The following SH2D5 variants were observed in gnomAD, a reference collection of about 807,000 sequenced individuals.
The protein encoded by SH2D5 is SH2 domain-containing protein 5.
Under a neutral mutation model 48.2 loss-of-function variants are expected in SH2D5, and 45 were observed. The observed-to-expected ratio is 0.93, with a 90% CI of 0.73 to 1.20. SH2D5 has a LOEUF of 1.20. Among genes scored for constraint, SH2D5 ranks in the 50% most tolerant of loss-of-function variants. The probability of loss-of-function intolerance (pLI) is 0.00; values close to 1 mark genes in which losing one functional copy is unlikely to be tolerated. For synonymous variants in SH2D5, 230 were observed against 249.8 expected (o/e 0.92, Z 0.75); for missense variants, 538 against 584.1 (o/e 0.92, Z 0.81).
In SH2D5 at chr1:20,721,724, G is replaced by C; in HGVS notation, c.*68C>G. 7.2e-7 allele frequency: 1 copy of C among 1,396,456 alleles called. No homozygotes were observed. Among genetic ancestry groups the C allele is most frequent in the Non-Finnish European group, 9.6e-7 (1 of 1,046,746 alleles). 86.5% of individuals were successfully genotyped at this position (1,396,456 alleles called of 1,614,324 possible). On this transcript the variant is annotated 3_prime_UTR_variant, in exon 10 of 10. Transcript: ENST00000444387. Reference sequence around the variant, plus strand: ...ACTGGCAACCAGAGGGGTGCAGGACGGGCAGAGATGCTGCTGGGGCCCAGG... The same window carrying C: ...ACTGGCAACCAGAGGGGTGCAGGACCGGCAGAGATGCTGCTGGGGCCCAGG...
At chr1:20,726,913 G>A in intron 4 of SH2D5, 88 bp downstream of exon 4, 1 of 1,166,088 alleles carries the variant, frequency 8.6e-7, no homozygotes, top group Non-Finnish European at 1.2e-6. Flanking sequence ...CCGAGCTAAG[G>A]CCAGGACCTA....
In SH2D5 at chr1:20,721,911, T is replaced by C. The variant is rs1217846477; in HGVS notation, c.1153A>G (p.Met385Val). ...TERSLFCPLD[M>V]GRLNPTYEEQ... ...TCGTAGGTGGGGTTCAGGCGGCCCA[T>C]GTCGAGGGGACAGAAGAGGCTACGT... The change falls in exon 10 of 10, where the codon ATG becomes GTG. Residue 385 changes from methionine (M) to valine (V), a missense_variant. Physicochemically the swap from Met to Val is conservative, Grantham distance 21. Coordinates refer to ENST00000444387, the MANE Select transcript of SH2D5 (RefSeq NM_001103161.2). 8 of 1,613,172 alleles carry C rather than the reference T, an allele frequency of 5.0e-6. No individual in the cohort carries two copies. In the East Asian group the frequency reaches 8.9e-5, roughly 18 times the overall value.
chr1:20,724,004 C>A lies in SH2D5; in HGVS notation c.799+79G>T. On this transcript the variant is annotated intron_variant, in intron 7 of 9. Coordinates refer to ENST00000444387, the MANE Select transcript of SH2D5 (RefSeq NM_001103161.2). Reference sequence around the variant, plus strand: ...ACAGCCTTGCAGGAACGGGCACTCACGCCCACCTCTGGCTGGTCCAGGAGC... The same window carrying A: ...ACAGCCTTGCAGGAACGGGCACTCAAGCCCACCTCTGGCTGGTCCAGGAGC... 4.6e-6 allele frequency: 7 copies of A among 1,534,448 alleles called. No homozygotes were observed. In the South Asian group the frequency reaches 8.5e-5, roughly 19 times the overall value.
chr1:20,724,296 G>C (rs892254387), intron 6 of SH2D5, 45 bp from the exon 7 acceptor site: 1 of 1,605,410 alleles, frequency 6.2e-7, no homozygotes, highest in Non-Finnish European at 8.5e-7. Context: ...CTCAGGTCTA[G>C]CCATGTCAGG....
At chr1:20,727,651 G>A (rs771164097) in intron 2 of SH2D5, 48 bp from the exon 3 acceptor site, 12 of 1,516,692 alleles carry the variant, frequency 7.9e-6, no homozygotes, top group Non-Finnish European at 9.9e-6. Flanking sequence ...TCAGGCCCGT[G>A]GCTCCTAACC....
In SH2D5 at chr1:20,726,038, C is replaced by T. The variant is rs762503782; in HGVS notation, c.272G>A (p.Arg91His). 18 of 1,608,148 alleles carry T rather than the reference C, an allele frequency of 1.1e-5. No individual in the cohort carries two copies. The highest frequency in any genetic ancestry group is 1.1e-4 in the South Asian group (10 of 89,920). Residue 91 changes from arginine to histidine, a missense_variant, in exon 5 of 10, where the codon CGC becomes CAC. Transcript: ENST00000444387. ...EVLLMAHALR[R>H]ILYSTWCPAD... is the part of the protein sequence containing the mutation. ...AGGGCACCAGGTGGAGTAGAGTATG[C>T]GCCTCAGGGCATGAGCCATCAGCAG...
At position 20,720,743 on chromosome 1, in the gene SH2D5, C is replaced by T. The variant is rs540162597; in HGVS notation, c.*1049G>A. 16 of 152,364 alleles carry T rather than the reference C, an allele frequency of 1.1e-4. No homozygotes were observed. The highest frequency in any genetic ancestry group is 3.3e-4 in the Admixed American group (5 of 15,306). The allele number at this position is 152,364 out of a possible 1,614,324, so 9.4% of individuals were successfully genotyped here. A position where few individuals can be genotyped will look rare whatever the true frequency, so the allele number is the denominator to read the frequency against. On this transcript the variant is annotated 3_prime_UTR_variant, in exon 10 of 10. Transcript: ENST00000444387. ...CAAGCGCCCCCGGCAGGGCCCACATCAGGTCCACCTTTCGACGGTTCTGCT... is the reference window on the plus strand; with the variant it reads ...CAAGCGCCCCCGGCAGGGCCCACATTAGGTCCACCTTTCGACGGTTCTGCT...
Position 20,724,161 on chromosome 1 carries a change from G to T in SH2D5, c.721C>A (p.Arg241Ser). Residue 241 changes from arginine to serine, a missense_variant, in exon 7 of 10, where the codon CGC becomes AGC. Physicochemically the swap from Arg to Ser is moderately radical, Grantham distance 110. Coordinates refer to ENST00000444387, the MANE Select transcript of SH2D5 (RefSeq NM_001103161.2). ...GCCCCCGAGCGGATCACCTTGCTGCGAATGGCCTTCTTGCGCACCAGCGTG... is the reference window on the plus strand; with the variant it reads ...GCCCCCGAGCGGATCACCTTGCTGCTAATGGCCTTCTTGCGCACCAGCGTG... ...SPTLVRKKAI[R>S]SKVIRSGAYR... The T allele has an allele frequency of 6.2e-7, 1 of 1,613,022 alleles. No individual in the cohort carries two copies.
chr1:20,721,739 TG>T lies in SH2D5; in HGVS notation c.*52del. 1 of 1,446,244 alleles carries T rather than the reference TG, an allele frequency of 6.9e-7. No homozygotes were observed. The highest frequency in any genetic ancestry group is 9.2e-7 in the Non-Finnish European group (1 of 1,087,998). 89.6% of individuals were successfully genotyped at this position (1,446,244 alleles called of 1,614,324 possible). A position where few individuals can be genotyped will look rare whatever the true frequency, so the allele number is the denominator to read the frequency against. ...GGTGCAGGACGGGCAGAGATGCTGC[TG>T]GGGCCCAGGAGCCGGGGTGAGGCGG... On this transcript the variant is annotated 3_prime_UTR_variant, in exon 10 of 10. Transcript: ENST00000444387.
intron 7 of SH2D5, 147 bp from the exon 8 acceptor site, chr1:20,723,881 C>T (rs565243700): frequency 1.0e-6 from 1 of 984,054 alleles, no homozygotes; most frequent in Non-Finnish European, 1.5e-6. Context: ...TTCCGCCCGA[C>T]AGTTCTGGTC....
In SH2D5 at chr1:20,727,901, G is replaced by A. The variant is rs1251551148; in HGVS notation, c.87+57C>T. The A allele has an allele frequency of 4.5e-6, 6 of 1,321,590 alleles. No individual in the cohort carries two copies. In the East Asian group the frequency reaches 7.5e-5, roughly 17 times the overall value. 81.9% of individuals were successfully genotyped at this position (1,321,590 alleles called of 1,614,324 possible). A position where few individuals can be genotyped will look rare whatever the true frequency, so the allele number is the denominator to read the frequency against. ...CCCGCAGCACTTCCCAATCACCAGC[G>A]CCTGCTACCTGAGGGCCACCCACCA... is the stretch of plus-strand genomic sequence containing the variant. On this transcript the variant is annotated intron_variant, in intron 2 of 9. Coordinates refer to ENST00000444387, the MANE Select transcript of SH2D5 (RefSeq NM_001103161.2).
At chr1:20,725,784 G>C in intron 5 of SH2D5, 136 bp downstream of exon 5, 2 of 1,066,688 alleles carry the variant, frequency 1.9e-6, no homozygotes, top group East Asian at 2.6e-5. Flanking sequence ...GCCACAGAAA[G>C]AGCCAATGTG....
chr1:20,722,687 G>A, intron 9 of SH2D5, 69 bp downstream of exon 9: 7 of 1,372,876 alleles, frequency 5.1e-6, no homozygotes, highest in Non-Finnish European at 6.7e-6. Context: ...AAAAGGGCAG[G>A]CAGGAAGGGC....
intron 4 of SH2D5, among the ~76,000 whole-genome samples, chr1:20,726,535 G>A (rs1361724358): frequency 6.6e-6 from 1 of 152,114 alleles, no homozygotes; most frequent in Admixed American, 6.5e-5. Context: ...AGTGGTAGGC[G>A]ACTGATGCCT....
intron 8 of SH2D5, 74 bp downstream of exon 8, chr1:20,723,552 A>G: frequency 8.3e-7 from 1 of 1,199,778 alleles, no homozygotes. Flanking sequence ...TGTGTGCCTC[A>G]GGGGCCTGGG....
intron 4 of SH2D5, among the ~76,000 whole-genome samples, chr1:20,726,435 G>A (rs1317666081): frequency 1.3e-5 from 2 of 152,198 alleles, no homozygotes; most frequent in East Asian, 1.9e-4. Flanking sequence ...TAGGGCTGTA[G>A]GTGGGGATCA....
chr1:20,726,583 C>T (rs936154458), intron 4 of SH2D5, among the ~76,000 whole-genome samples: 14 of 152,108 alleles, frequency 9.2e-5, no homozygotes, highest in African/African-American at 3.4e-4. Flanking sequence ...AATCAGTGTC[C>T]GCCCCACGCT....
Position 20,724,257 on chromosome 1 carries a change from G to C in SH2D5, c.631-6C>G, listed in dbSNP as rs1334346816. On this transcript the variant is annotated splice_region_variant and splice_polypyrimidine_tract_variant and intron_variant, in intron 6 of 9. Transcript: ENST00000444387. Reference sequence around the variant, plus strand: ...TCCGACTCTGGCAGCTCCTTCTAGGGCACCAAGAGGGGCCCACAGGCAGGC... The same window carrying C: ...TCCGACTCTGGCAGCTCCTTCTAGGCCACCAAGAGGGGCCCACAGGCAGGC... 6.2e-7 allele frequency: 1 copy of C among 1,611,726 alleles called. No homozygotes were observed. Among genetic ancestry groups the C allele is most frequent in the Non-Finnish European group, 8.5e-7 (1 of 1,179,114 alleles).
rs1260867099 is a variant in SH2D5 at position 20,723,785 on chromosome 1, C to T, written c.800-51G>A. The stretch of plus-strand genomic sequence containing the variant: ...AGGAGAGTGGCCGAGCCCTCCCATT[C>T]CCTGCGGCCGCAGGCCTCATCACCC... On this transcript the variant is annotated intron_variant, in intron 7 of 9. Coordinates refer to ENST00000444387, the MANE Select transcript of SH2D5 (RefSeq NM_001103161.2). The T allele has an allele frequency of 6.8e-6, 10 of 1,470,394 alleles. No homozygotes were observed. The African/African-American group carries it at 1.4e-4, about 20-fold the overall frequency. The allele number at this position is 1,470,394 out of a possible 1,614,324, so 91.1% of individuals were successfully genotyped here. A position where few individuals can be genotyped will look rare whatever the true frequency, so the allele number is the denominator to read the frequency against.
Sources: allele counts gnomAD v4.1 joint callset (sites outside exome capture counted in the v4.1 genomes callset), GRCh38; gene constraint gnomAD v4.1.1; transcripts MANE v1.5; gene names NCBI Gene and HGNC (gene_info 2026-07-23, HGNC 2026-07-21).